Variants in ANKRD33B observed in about 807,000 individuals in gnomAD.
The protein encoded by ANKRD33B is ankyrin repeat domain 33B.
Under a neutral mutation model 21.5 loss-of-function variants are expected in ANKRD33B, and 6 were observed. The observed-to-expected ratio is 0.28, with a 90% CI of 0.15 to 0.55. The LOEUF (loss-of-function observed/expected upper bound fraction) is 0.55. Among genes scored for constraint, ANKRD33B ranks in the 20% least tolerant of loss-of-function variants. The pLI is 0.94. For missense variants in ANKRD33B, 698 were observed against 747.2 expected, an observed-to-expected ratio of 0.93 and a Z score of 0.77; for synonymous variants, 347 against 342.4, an observed-to-expected ratio of 1.01 and a Z score of -0.15.
Position 10,653,101 on chromosome 5 carries a change from C to G in ANKRD33B, c.*2988C>G, listed in dbSNP as rs1050499796. On this transcript the variant is annotated 3_prime_UTR_variant, in exon 4 of 4. Transcript: ENST00000296657. ...AGACCCAACTGAAAGAAGGGTCATTCCTGATTGAGTTGGAGACTCTCCCCA... is the reference window on the plus strand; with the variant it reads ...AGACCCAACTGAAAGAAGGGTCATTGCTGATTGAGTTGGAGACTCTCCCCA... The G allele has an allele frequency of 1.2e-5, 2 of 170,746 alleles. No individual in the cohort carries two copies. Among genetic ancestry groups the G allele is most frequent in the Non-Finnish European group, 2.6e-5 (2 of 78,398 alleles). 10.6% of individuals were successfully genotyped at this position (170,746 alleles called of 1,614,324 possible).
At chr5:10,643,986 A>T (rs1737133034) in intron 3 of ANKRD33B, among the ~76,000 whole-genome samples, 1 of 148,972 alleles carries the variant, frequency 6.7e-6, no homozygotes, top group South Asian at 2.2e-4. Flanking sequence ...TTTTCCTTTG[A>T]CAGTAGATGG....
intron 2 of ANKRD33B, among the ~76,000 whole-genome samples, chr5:10,622,564 C>T (rs1736443855): frequency 6.6e-6 from 1 of 152,200 alleles, no homozygotes; most frequent in Non-Finnish European, 1.5e-5. Flanking sequence ...TTCACTGAGT[C>T]AGTGACCTAT....
chr5:10,606,562 T>C (rs1394041871), intron 1 of ANKRD33B, among the ~76,000 whole-genome samples: 9 of 152,104 alleles, frequency 5.9e-5, no homozygotes, highest in East Asian at 5.9e-4. Context: ...GGTGAAGCCC[T>C]GTCTCTACTA....
chr5:10,642,325 A>G (rs2062200), intron 3 of ANKRD33B, among the ~76,000 whole-genome samples: 63,682 of 151,846 alleles, frequency 0.42, 13,634 homozygotes, highest in Middle Eastern at 0.56. Flanking sequence ...TACAAATTTG[A>G]CATTAGATTT....
intron 2 of ANKRD33B, among the ~76,000 whole-genome samples, chr5:10,622,567 T>C (rs1736443967): frequency 6.6e-6 from 1 of 152,214 alleles, no homozygotes; most frequent in Non-Finnish European, 1.5e-5. Flanking sequence ...ACTGAGTCAG[T>C]GACCTATTGA....
At chr5:10,599,700 A>G (rs1377014688) in intron 1 of ANKRD33B, among the ~76,000 whole-genome samples, 1 of 152,180 alleles carries the variant, frequency 6.6e-6, no homozygotes, top group African/African-American at 2.4e-5. Context: ...ATTCCATCAT[A>G]TGTATATACC....
chr5:10,613,379 G>T (rs1194052764), intron 1 of ANKRD33B, among the ~76,000 whole-genome samples: 1 of 150,992 alleles, frequency 6.6e-6, no homozygotes, highest in Non-Finnish European at 1.5e-5. Flanking sequence ...CTGCCTCCCG[G>T]GTTCATGCCA....
In ANKRD33B at chr5:10,619,433, T is replaced by G. The variant is rs1736363900; in HGVS notation, c.496+971T>G. 1 of 960,336 alleles carries G rather than the reference T, an allele frequency of 1.0e-6. No individual in the cohort carries two copies. Among genetic ancestry groups the G allele is most frequent in the African/African-American group, 1.8e-5 (1 of 56,660 alleles). The allele number at this position is 960,336 out of a possible 1,614,324, so 59.5% of individuals were successfully genotyped here. ...TTGCTGTCACCAAAAGGAGACCTCC[T>G]TGTCCCTTGTTGCTTCACAAGCTCC... On this transcript the variant is annotated intron_variant, in intron 2 of 3. Coordinates refer to ENST00000296657, the MANE Select transcript of ANKRD33B (RefSeq NM_001164440.2). The surrounding 1 kb of genome is among the most constrained non-coding windows in gnomAD (Gnocchi z 4.5).
At chr5:10,612,916 A>T (rs115748292) in intron 1 of ANKRD33B, among the ~76,000 whole-genome samples, 1 of 152,352 alleles carries the variant, frequency 6.6e-6, no homozygotes, top group Admixed American at 6.5e-5. Flanking sequence ...ATAAAGCCAC[A>T]TAGACATCTC....
At chr5:10,581,904 C>T (rs1310621408) in intron 1 of ANKRD33B, among the ~76,000 whole-genome samples, 1 of 152,184 alleles carries the variant, frequency 6.6e-6, no homozygotes. Flanking sequence ...TAAAATAAAT[C>T]TCTTTATGTC....
chr5:10,596,597 A>G (rs1185965205), intron 1 of ANKRD33B, among the ~76,000 whole-genome samples: 1 of 152,188 alleles, frequency 6.6e-6, no homozygotes, highest in Non-Finnish European at 1.5e-5. Flanking sequence ...ACATGGGGAG[A>G]ATGGAACCAA....
chr5:10,598,971 T>C (rs890430169), intron 1 of ANKRD33B, among the ~76,000 whole-genome samples: 27 of 152,234 alleles, frequency 1.8e-4, no homozygotes, highest in African/African-American at 6.5e-4. Flanking sequence ...CCGTATGATT[T>C]TGACAAATAT....
Position 10,583,259 on chromosome 5 carries a change from CA to C in ANKRD33B, c.366+18429del, listed in dbSNP as rs368531549. Among the ~76,000 whole-genome samples the C allele has an allele frequency of 8.9e-3, 1,354 of 152,324 alleles. 16 individuals are homozygous for C. The highest frequency in any genetic ancestry group is 0.027 in the Middle Eastern group (8 of 294). On this transcript the variant is annotated intron_variant, in intron 1 of 3. Transcript: ENST00000296657. Reference sequence around the variant, plus strand: ...GGTGATCCTCCCTCCCCGGGCCTCCCAAAGTGCTGGGATTACAGGCGCGAGC... The same window carrying C: ...GGTGATCCTCCCTCCCCGGGCCTCCCAAGTGCTGGGATTACAGGCGCGAGC...
Position 10,576,426 on chromosome 5 carries a change from C to T in ANKRD33B, c.366+11593C>T, listed in dbSNP as rs977205223. 2.6e-5 allele frequency among the ~76,000 whole-genome samples: 4 copies of T among 152,140 alleles called. No individual in the cohort carries two copies. The highest frequency in any genetic ancestry group is 9.7e-5 in the African/African-American group (4 of 41,422). Reference sequence around the variant, plus strand: ...CATTTCAAGGTCCTGAGATGATTTGCACATACATTTAAGTTTCAGGAGTTC... The same window carrying T: ...CATTTCAAGGTCCTGAGATGATTTGTACATACATTTAAGTTTCAGGAGTTC... On this transcript the variant is annotated intron_variant, in intron 1 of 3. Transcript: ENST00000296657. This position sits in a 1 kb window ranked among gnomAD's most constrained non-coding sequence, Gnocchi z 4.1.
At chr5:10,617,512 TG>T (rs1736310685) in intron 1 of ANKRD33B, among the ~76,000 whole-genome samples, 1 of 152,248 alleles carries the variant, frequency 6.6e-6, no homozygotes, top group Non-Finnish European at 1.5e-5. Flanking sequence ...CCCCAGCTGC[TG>T]CCCCCACCCT....
chr5:10,604,849 TATTATCTA>T (rs2126571419), intron 1 of ANKRD33B, among the ~76,000 whole-genome samples: 1 of 152,350 alleles, frequency 6.6e-6, no homozygotes, highest in Non-Finnish European at 1.5e-5. Context: ...TTGATGTTTG[TATTATCTA>T]ATGCTACATG....
At position 10,586,935 on chromosome 5, in the gene ANKRD33B, G is replaced by A. The variant is rs146914475; in HGVS notation, c.366+22102G>A. 9.2e-5 allele frequency among the ~76,000 whole-genome samples: 14 copies of A among 152,254 alleles called. No individual in the cohort carries two copies. The East Asian group carries it at 2.7e-3, about 29-fold the overall frequency. ...TCTTTAGCCTACTGAATTTAAAAAA[G>A]CAGTGAAGTGTTGGGGGTATGTGAA... is the stretch of plus-strand genomic sequence containing the variant. On this transcript the variant is annotated intron_variant, in intron 1 of 3. Transcript: ENST00000296657.
chr5:10,622,442 CAA>C (rs145653772), intron 2 of ANKRD33B, among the ~76,000 whole-genome samples: 18,540 of 152,074 alleles, frequency 0.12, 1,470 homozygotes, highest in Non-Finnish European at 0.17. Flanking sequence ...CATATTCTAC[CAA>C]AAGTTATTGG....
chr5:10,612,459 A>G lies in ANKRD33B; in HGVS notation c.367-5874A>G, dbSNP rs532679555. The stretch of plus-strand genomic sequence containing the variant: ...TACCTCCTAGTGGCCACATCTCCTA[A>G]TACCATCACCGTGAGGGTTAGGATT... On this transcript the variant is annotated intron_variant, in intron 1 of 3. Coordinates refer to ENST00000296657, the MANE Select transcript of ANKRD33B (RefSeq NM_001164440.2). Among the ~76,000 whole-genome samples, 3 of 152,306 alleles carry G rather than the reference A, an allele frequency of 2.0e-5. No individual in the cohort carries two copies. In the South Asian group the frequency reaches 6.2e-4, roughly 32 times the overall value.
Sources: allele counts gnomAD v4.1 joint callset (sites outside exome capture counted in the v4.1 genomes callset), GRCh38; gene constraint gnomAD v4.1.1; non-coding constraint Gnocchi (gnomAD v3.1); transcripts MANE v1.5; gene names NCBI Gene and HGNC (gene_info 2026-07-23, HGNC 2026-07-21).